ZNF250: variants seen among roughly 807,000 people sequenced by gnomAD.
ZNF250 encodes zinc finger protein (clone 647).
A neutral mutation model predicts 37.1 loss-of-function variants in ZNF250; 13 were observed. That is an observed-to-expected ratio of 0.35 (90% CI 0.23 to 0.56). The LOEUF is 0.56. Ranked by LOEUF, ZNF250 falls within the 20% of genes least tolerant of loss-of-function variation. The probability of loss-of-function intolerance (pLI) is 0.87; values close to 1 mark genes in which losing one functional copy is unlikely to be tolerated. For synonymous variants in ZNF250, 251 were observed against 265.6 expected (o/e 0.94, Z 0.54); for missense variants, 474 against 697.9 (o/e 0.68, Z 3.61).
rs757022318 is a variant in ZNF250 at position 144,886,878 on chromosome 8, G to A, written c.308C>T (p.Thr103Ile). ...TAAACTGTCTTGTTGTGTACAGGCT[G>A]TAGTGTGGTCATATTTGAGGTTGTC... The part of the protein sequence containing the change: ...YSDNLKYDHT[T>I]ACTQQDSLSC... The change falls in exon 5 of 6, where the codon ACA becomes ATA. Residue 103 changes from threonine to isoleucine, a missense_variant. Thr to Ile is a moderately conservative substitution (Grantham distance 89, BLOSUM62 -1). Around this residue, in one of 2 missense-constraint regions of ZNF250, gnomAD observed 192 missense variants for 227.5 expected, o/e 0.84. Coordinates refer to ENST00000417550, the MANE Select transcript of ZNF250 (RefSeq NM_001109689.4). 2 of 1,613,618 alleles carry A rather than the reference G, an allele frequency of 1.2e-6. No individual in the cohort carries two copies. Among genetic ancestry groups the A allele is most frequent in the Non-Finnish European group, 8.5e-7 (1 of 1,179,686 alleles).
chr8:144,881,683 C>T lies in ZNF250; in HGVS notation c.1500G>A (p.Lys500=), dbSNP rs759910395. The change falls in exon 6 of 6, where the codon AAG becomes AAA. Residue 500 remains lysine (K), a synonymous_variant. Transcript: ENST00000417550. The stretch of plus-strand genomic sequence containing the variant: ...TCCCGCAGCTATTGCACTCATATGG[C>T]TTCTCGCCCGTGTGGGTCCTCAGGT... ...IVHLRTHTGE[K]PYECNSCGKA... The T allele has an allele frequency of 5.6e-6, 9 of 1,613,902 alleles. No individual in the cohort carries two copies. The highest frequency in any genetic ancestry group is 7.6e-6 in the Non-Finnish European group (9 of 1,179,986).
chr8:144,889,446 G>T, intron 4 of ZNF250, 135 bp downstream of exon 4: 1 of 638,656 alleles, frequency 1.6e-6, no homozygotes, highest in Non-Finnish European at 2.7e-6. Flanking sequence ...AGACTCCTTT[G>T]CCAGATAAGG....
chr8:144,901,980 GC>G (rs1833134513), upstream of ZNF250: 1 of 152,428 alleles, frequency 6.6e-6, no homozygotes, highest in Admixed American at 6.5e-5. The surrounding 1 kb of genome is among the most constrained non-coding windows in gnomAD (Gnocchi z 5.4). Context: ...CTTCTCAGGG[GC>G]CCTTTCTCTT....
chr8:144,882,638 G>A lies in ZNF250; in HGVS notation c.545C>T (p.Thr182Ile). 6.2e-7 allele frequency: 1 copy of A among 1,614,026 alleles called. No homozygotes were observed. Reference protein sequence around the residue: ...VQVLSQSMPLTPHQAVPSGER... With the variant: ...VQVLSQSMPLIPHQAVPSGER... ...TCCACTAGGCACTGCCTGGTGCGGAGTGAGTGGCATGCTTTGGCTTAAGAC... is the reference window on the plus strand; with the variant it reads ...TCCACTAGGCACTGCCTGGTGCGGAATGAGTGGCATGCTTTGGCTTAAGAC... The change falls in exon 6 of 6, where the codon ACT becomes ATT. Residue 182 changes from threonine to isoleucine, a missense_variant. By Grantham distance (89) the Thr-to-Ile change is moderately conservative. Around this residue, in one of 2 missense-constraint regions of ZNF250, gnomAD observed 192 missense variants for 227.5 expected, o/e 0.84. Coordinates refer to ENST00000417550, the MANE Select transcript of ZNF250 (RefSeq NM_001109689.4). This position sits in a 1 kb window ranked among gnomAD's most constrained non-coding sequence, Gnocchi z 5.5.
At chr8:144,893,503 G>T (rs987479465) in intron 1 of ZNF250, among the ~76,000 whole-genome samples, 1 of 151,894 alleles carries the variant, frequency 6.6e-6, no homozygotes, top group Non-Finnish European at 1.5e-5. Flanking sequence ...GCTAATTTTT[G>T]TACTTTTTGT....
chr8:144,889,868 CCT>C, intron 3 of ZNF250, 63 bp downstream of exon 3: 2 of 1,537,746 alleles, frequency 1.3e-6, no homozygotes, highest in East Asian at 2.3e-5. Flanking sequence ...GGCCCCGTAC[CCT>C]GAGAAGCCCC....
In ZNF250 at chr8:144,891,599, C is replaced by T. The variant is rs1832341676; in HGVS notation, c.-54-1196G>A. 6.6e-6 allele frequency among the ~76,000 whole-genome samples: 1 copy of T among 152,164 alleles called. No individual in the cohort carries two copies. Among genetic ancestry groups the T allele is most frequent in the Non-Finnish European group, 1.5e-5 (1 of 68,026 alleles). On this transcript the variant is annotated intron_variant, in intron 1 of 5. Transcript: ENST00000417550. The surrounding 1 kb of genome is among the most constrained non-coding windows in gnomAD (Gnocchi z 4.0). Reference sequence around the variant, plus strand: ...GGGTGCAGTGGCTTATGCCTGTAATCCCAGCACTTTGGGAGGCCGAGGCAG... The same window carrying T: ...GGGTGCAGTGGCTTATGCCTGTAATTCCAGCACTTTGGGAGGCCGAGGCAG...
At position 144,901,035 on chromosome 8, in the gene ZNF250, G is replaced by C. The variant is rs757681210; in HGVS notation, c.-55+364C>G. 1.3e-5 allele frequency among the ~76,000 whole-genome samples: 2 copies of C among 152,150 alleles called. No individual in the cohort carries two copies. The highest frequency in any genetic ancestry group is 6.5e-5 in the Admixed American group (1 of 15,284). ...GTAGAAAGCGCGCGGGAGGGCACGA[G>C]GGGGAGGAAGGCCGGAGATCTGAGG... On this transcript the variant is annotated intron_variant, in intron 1 of 5. Coordinates refer to ENST00000417550, the MANE Select transcript of ZNF250 (RefSeq NM_001109689.4). The surrounding 1 kb of genome is among the most constrained non-coding windows in gnomAD (Gnocchi z 5.4).
At chr8:144,893,018 C>T (rs1832456710) in intron 1 of ZNF250, among the ~76,000 whole-genome samples, 1 of 151,916 alleles carries the variant, frequency 6.6e-6, no homozygotes, top group South Asian at 2.1e-4. Context: ...CACCAGCACG[C>T]TCGGCTAATT....
chr8:144,890,290 G>A lies in ZNF250; in HGVS notation c.42+18C>T. 6.5e-7 allele frequency: 1 copy of A among 1,538,022 alleles called. No homozygotes were observed. The highest frequency in any genetic ancestry group is 8.8e-7 in the Non-Finnish European group (1 of 1,138,490). On this transcript the variant is annotated intron_variant, in intron 2 of 5. Coordinates refer to ENST00000417550, the MANE Select transcript of ZNF250 (RefSeq NM_001109689.4). The surrounding 1 kb of genome is among the most constrained non-coding windows in gnomAD (Gnocchi z 5.1). ...GGCTCGGGCTGGGGGCACTGCATAA[G>A]CACTGGGGACAGCTTACCTGGGGTC...
rs1335293928 is a variant in ZNF250, at chr8:144,881,473, C to T, written c.*42G>A. On this transcript the variant is annotated 3_prime_UTR_variant, in exon 6 of 6. Transcript: ENST00000417550. The stretch of plus-strand genomic sequence containing the variant: ...GGGCTGAAGGCTGCTTGTGGTTCCA[C>T]ATGCAGTTTCTGTGAGAATGGATTC... 1 of 1,537,722 alleles carries T rather than the reference C, an allele frequency of 6.5e-7. No homozygotes were observed. The highest frequency in any genetic ancestry group is 8.8e-7 in the Non-Finnish European group (1 of 1,140,650).
chr8:144,892,150 G>A (rs113827227), intron 1 of ZNF250, among the ~76,000 whole-genome samples: 9 of 152,344 alleles, frequency 5.9e-5, no homozygotes, highest in African/African-American at 1.7e-4. Context: ...ACCCTCCCCC[G>A]TGCTGCTGTT....
At chr8:144,886,928 T>G in intron 4 of ZNF250, 26 bp from the exon 5 acceptor site, 1 of 1,608,284 alleles carries the variant, frequency 6.2e-7, no homozygotes, top group East Asian at 2.2e-5. Flanking sequence ...CGAGTTGAAG[T>G]GACAACAAAA....
At position 144,890,118 on chromosome 8, in the gene ZNF250, G is replaced by C. The variant is rs200697907; in HGVS notation, c.43-59C>G. On this transcript the variant is annotated intron_variant, in intron 2 of 5. Coordinates refer to ENST00000417550, the MANE Select transcript of ZNF250 (RefSeq NM_001109689.4). This position sits in a 1 kb window ranked among gnomAD's most constrained non-coding sequence, Gnocchi z 5.1. ...AATCCTGATGTCTGTGATGGGGAGT[G>C]GGTGCATGTGACATGTGACATGAGC... 1.3e-3 allele frequency: 2,087 copies of C among 1,586,538 alleles called. 2 individuals are homozygous for C. The highest frequency in any genetic ancestry group is 1.7e-3 in the Non-Finnish European group (1,975 of 1,166,214).
chr8:144,889,911 G>C, intron 3 of ZNF250, 22 bp downstream of exon 3: 2 of 1,583,348 alleles, frequency 1.3e-6, no homozygotes, highest in Non-Finnish European at 1.7e-6. Context: ...ATACATAGAC[G>C]AGGCCTGCTA....
chr8:144,888,602 A>T (rs1832079731), intron 4 of ZNF250, among the ~76,000 whole-genome samples: 1 of 149,452 alleles, frequency 6.7e-6, no homozygotes, highest in Admixed American at 6.6e-5. Context: ...TCTCAAAAAA[A>T]AAAAAAAAAA....
chr8:144,889,767 G>A (rs1301007633), intron 3 of ZNF250, 73 bp from the exon 4 acceptor site: 2 of 1,514,840 alleles, frequency 1.3e-6, no homozygotes, highest in Admixed American at 1.9e-5. Context: ...AGCCACTTGT[G>A]GGGACATGAA....
Position 144,882,721 on chromosome 8 carries a change from A to G in ZNF250, c.462T>C (p.Asn154=). The G allele has an allele frequency of 6.2e-7, 1 of 1,613,978 alleles. No homozygotes were observed. The stretch of plus-strand genomic sequence containing the variant: ...TCAGACAGAAGCTTTGCTTTGTTTC[A>G]TTATTTTCTTGATCAATCCTCCCCA... ...TPLGRIDQEN[N]ETKQSFCLSP... Residue 154 remains asparagine (N), a synonymous_variant, in exon 6 of 6, where the codon AAT becomes AAC. Transcript: ENST00000417550. This position sits in a 1 kb window ranked among gnomAD's most constrained non-coding sequence, Gnocchi z 5.5.
Position 144,879,309 on chromosome 8 carries a change from A to G in ZNF250, c.*2206T>C, listed in dbSNP as rs1364010542. The G allele has an allele frequency of 6.6e-6, 1 of 152,268 alleles. No homozygotes were observed. The highest frequency in any genetic ancestry group is 6.5e-5 in the Admixed American group (1 of 15,286). The allele number at this position is 152,268 out of a possible 1,614,324, so 9.4% of individuals were successfully genotyped here. ...CCTTTCTCAAGTTAACCAATCAGTT[A>G]CCAGTTCCTCTCTGGAGTTAATAAT... On this transcript the variant is annotated 3_prime_UTR_variant, in exon 6 of 6. Coordinates refer to ENST00000417550, the MANE Select transcript of ZNF250 (RefSeq NM_001109689.4).
Sources: gnomAD v4.1 joint callset for allele counts (sites outside exome capture counted in the v4.1 genomes callset) on GRCh38, gnomAD v4.1.1 for gene constraint, gnomAD v4.1.1 regional missense constraint, Gnocchi (gnomAD v3.1) non-coding constraint, MANE v1.5 for transcripts, NCBI Gene and HGNC (gene_info 2026-07-23, HGNC 2026-07-21) for gene names.